Variants in ZPLD1 observed in about 807,000 individuals in gnomAD.
The protein encoded by ZPLD1 is zona pellucida like domain containing 1.
In ZPLD1, 34 loss-of-function variants were observed where a neutral mutation model predicts 47.2. The observed-to-expected ratio is 0.72, with a 90% CI of 0.55 to 0.96. ZPLD1 has a LOEUF of 0.96. Among genes scored for constraint, ZPLD1 ranks in the 40% least tolerant of loss-of-function variants. The probability of loss-of-function intolerance (pLI) is 0.00; values close to 1 mark genes in which losing one functional copy is unlikely to be tolerated. For missense variants in ZPLD1, 512 were observed against 505.8 expected (o/e 1.01, Z -0.12); for synonymous variants, 176 against 186.2 (o/e 0.95, Z 0.45).
In ZPLD1 at chr3:102,435,066, G is replaced by C. The variant is rs201695622; in HGVS notation, c.-211G>C. 1.9e-6 allele frequency: 3 copies of C among 1,607,996 alleles called. No homozygotes were observed. Among genetic ancestry groups the C allele is most frequent in the East Asian group, 4.5e-5 (2 of 44,818 alleles). ...TCCCATACAATTCAATTTCAGAAAA[G>C]TATTTAGGGACTGTGCTAAAATAGC... On this transcript the variant is annotated 5_prime_UTR_variant, in exon 1 of 12. Transcript: ENST00000466937.
intron 6 of ZPLD1, 45 bp downstream of exon 6, chr3:102,457,898 G>A: frequency 1.3e-6 from 2 of 1,586,974 alleles, no homozygotes; most frequent in Non-Finnish European, 1.7e-6. Flanking sequence ...TCACTGTTGT[G>A]AGGAGTCATT....
chr3:102,463,883 CAAAAAAAA>C (rs1211126564), intron 7 of ZPLD1, among the ~76,000 whole-genome samples: 15 of 110,160 alleles, frequency 1.4e-4, no homozygotes, highest in African/African-American at 4.7e-4. Context: ...ATTAAAAATA[CAAAAAAAA>C]AAAAAAAAAA....
rs1707409597 is a variant in ZPLD1 at position 102,456,173 on chromosome 3, T to C, written c.328-20T>C. On this transcript the variant is annotated intron_variant, in intron 4 of 11. Transcript: ENST00000466937. ...ATATATAGCCATTTAATCATTAAAC[T>C]GCATCTAACATTCTAACAGGTATCC... 1.9e-6 allele frequency: 3 copies of C among 1,599,088 alleles called. No homozygotes were observed. Among genetic ancestry groups the C allele is most frequent in the Non-Finnish European group, 2.6e-6 (3 of 1,173,060 alleles).
At chr3:102,414,202 A>G (rs896315181) in intron 7 of ZPLD1, among the ~76,000 whole-genome samples, 4 of 151,514 alleles carry the variant, frequency 2.6e-5, no homozygotes, top group Non-Finnish European at 4.4e-5. Context: ...TTCAGGACAA[A>G]CTCCCACAAT....
At chr3:102,406,237 G>T (rs1706683509) in intron 7 of ZPLD1, among the ~76,000 whole-genome samples, 1 of 151,876 alleles carries the variant, frequency 6.6e-6, no homozygotes, top group South Asian at 2.1e-4. Context: ...AGATTGCTGT[G>T]CATCCTTCTT....
In ZPLD1 at chr3:102,477,844, T is replaced by C. The variant is rs374858162; in HGVS notation, c.*226T>C. 6.7e-4 allele frequency: 248 copies of C among 367,408 alleles called. No individual in the cohort carries two copies. The highest frequency in any genetic ancestry group is 4.4e-3 in the African/African-American group (211 of 47,818). The allele number at this position is 367,408 out of a possible 1,614,324, so 22.8% of individuals were successfully genotyped here. On this transcript the variant is annotated 3_prime_UTR_variant, in exon 12 of 12. Coordinates refer to ENST00000466937, the MANE Select transcript of ZPLD1 (RefSeq NM_001329788.2). The stretch of plus-strand genomic sequence containing the variant: ...TATTTTTATGCCACCAGTGAATATA[T>C]TGACAATAAGTGAAAAATATTCAGG...
intron 2 of ZPLD1, among the ~76,000 whole-genome samples, chr3:102,437,862 C>A (rs1357742640): frequency 6.6e-6 from 1 of 152,184 alleles, no homozygotes; most frequent in Non-Finnish European, 1.5e-5. Context: ...CAATGTTGTT[C>A]ACACACAGAG....
At chr3:102,397,778 C>T (rs1392643025) in intron 7 of ZPLD1, among the ~76,000 whole-genome samples, 1 of 152,096 alleles carries the variant, frequency 6.6e-6, no homozygotes, top group South Asian at 2.1e-4. Flanking sequence ...ATGCAATTAT[C>T]GCAGTTTATT....
At chr3:102,435,863 C>T (rs1427890641) in intron 1 of ZPLD1, among the ~76,000 whole-genome samples, 1 of 152,038 alleles carries the variant, frequency 6.6e-6, no homozygotes, top group Non-Finnish European at 1.5e-5. Context: ...AGGATGATCT[C>T]GATCTCCTGA....
chr3:102,445,758 A>G (rs1707247111), intron 3 of ZPLD1, among the ~76,000 whole-genome samples: 1 of 152,246 alleles, frequency 6.6e-6, no homozygotes, highest in South Asian at 2.1e-4. Context: ...CCAGCTGGCC[A>G]TCATGCACTT....
chr3:102,436,774 C>T (rs1407328768), intron 1 of ZPLD1, 86 bp from the exon 2 acceptor site: 1 of 541,346 alleles, frequency 1.8e-6, no homozygotes, highest in Non-Finnish European at 2.4e-6. Flanking sequence ...TTATTTTCTC[C>T]TGTGAAAAAT....
At chr3:102,472,340 T>C (rs1399229056) in intron 10 of ZPLD1, among the ~76,000 whole-genome samples, 1 of 152,120 alleles carries the variant, frequency 6.6e-6, no homozygotes, top group African/African-American at 2.4e-5. Context: ...AAGACCAGCC[T>C]GGCCAACATG....
chr3:102,391,577 A>C (rs74958445), intron 6 of ZPLD1, among the ~76,000 whole-genome samples: 1 of 151,816 alleles, frequency 6.6e-6, no homozygotes, highest in East Asian at 1.9e-4. Context: ...AGCCAAAGCA[A>C]CCCCGTGGAG....
chr3:102,413,454 GAA>G (rs1706768964), intron 7 of ZPLD1, among the ~76,000 whole-genome samples: 1 of 151,718 alleles, frequency 6.6e-6, no homozygotes, highest in Non-Finnish European at 1.5e-5. Flanking sequence ...TCTTTCTTAT[GAA>G]AAGTCTGTAT....
intron 7 of ZPLD1, among the ~76,000 whole-genome samples, chr3:102,403,102 T>A (rs146755462): frequency 5.3e-4 from 80 of 152,082 alleles, no homozygotes; most frequent in African/African-American, 1.9e-3. Context: ...TTTACAGATA[T>A]TAAAGTGCAC....
intron 6 of ZPLD1, among the ~76,000 whole-genome samples, chr3:102,391,995 T>C (rs1490210567): frequency 1.3e-5 from 2 of 152,092 alleles, no homozygotes; most frequent in African/African-American, 2.4e-5. Flanking sequence ...CCTAATCAAC[T>C]AACCAACCAA....
chr3:102,467,437 G>A (rs1294244524), intron 8 of ZPLD1, among the ~76,000 whole-genome samples: 1 of 152,180 alleles, frequency 6.6e-6, no homozygotes, highest in East Asian at 1.9e-4. Flanking sequence ...TCAATAAAAT[G>A]TCACAATTAT....
chr3:102,385,831 G>C (rs1345073678), intron 6 of ZPLD1, among the ~76,000 whole-genome samples: 1 of 152,184 alleles, frequency 6.6e-6, no homozygotes, highest in Non-Finnish European at 1.5e-5. Flanking sequence ...GCATGATTTA[G>C]TTTTAGTAGT....
intron 5 of ZPLD1, 101 bp downstream of exon 5, chr3:102,456,475 A>G: frequency 9.6e-7 from 1 of 1,039,000 alleles, no homozygotes; most frequent in South Asian, 1.6e-5. Flanking sequence ...TATTAAAAAT[A>G]GTTAAATTCA....
Sources: gnomAD v4.1 joint callset for allele counts (sites outside exome capture counted in the v4.1 genomes callset) on GRCh38, gnomAD v4.1.1 for gene constraint, MANE v1.5 for transcripts, NCBI Gene and HGNC (gene_info 2026-07-23, HGNC 2026-07-21) for gene names.